Variants in ASMTL observed in about 807,000 individuals in gnomAD.
ASMTL encodes the protein acetylserotonin O-methyltransferase like, also known as probable bifunctional dTTP/UTP pyrophosphatase/methyltransferase protein.
Under a neutral mutation model 60.3 loss-of-function variants are expected in ASMTL, and 57 were observed. The ratio of observed to expected loss-of-function variants is 0.95; its 90% CI spans 0.76 to 1.18. The LOEUF is 1.18. Among genes scored for constraint, ASMTL ranks in the 50% most tolerant of loss-of-function variants. The probability of loss-of-function intolerance (pLI) is 0.00; values close to 1 mark genes in which losing one functional copy is unlikely to be tolerated. For synonymous variants in ASMTL, 419 were observed against 373.0 expected (o/e 1.12, Z -1.42); for missense variants, 981 against 852.6 (o/e 1.15, Z -1.88).
intron 6 of ASMTL, among the ~76,000 whole-genome samples, chrX:1,430,000 C>G (rs1281289594): frequency 2.6e-5 from 4 of 151,402 alleles, no homozygotes; most frequent in Non-Finnish European, 5.9e-5. Context: ...GAGCCTTGAA[C>G]TTCTCCCGTC....
intron 11 of ASMTL, among the ~76,000 whole-genome samples, chrX:1,414,442 G>C (rs1412537189): frequency 6.6e-6 from 1 of 152,106 alleles, no homozygotes; most frequent in Admixed American, 6.6e-5. Context: ...TTTCCGGCCG[G>C]GCGGGGTGTA....
chrX:1,424,747 CATCT>C (rs1252807092), intron 8 of ASMTL, among the ~76,000 whole-genome samples: 1 of 151,762 alleles, frequency 6.6e-6, no homozygotes, highest in Admixed American at 6.6e-5. Flanking sequence ...CACATCCATC[CATCT>C]ATCCACTCAC....
intron 5 of ASMTL, among the ~76,000 whole-genome samples, chrX:1,433,373 G>C (rs1438746149): frequency 6.6e-6 from 1 of 151,126 alleles, no homozygotes; most frequent in South Asian, 2.1e-4. Flanking sequence ...CCTTTTAAGA[G>C]ACCCAGAAGG....
At chrX:1,434,186 G>C (rs2090895373) in intron 5 of ASMTL, among the ~76,000 whole-genome samples, 1 of 152,116 alleles carries the variant, frequency 6.6e-6, no homozygotes, top group Non-Finnish European at 1.5e-5. Context: ...GCCTGGGCCG[G>C]GCACCGTGGT....
At chrX:1,427,593 C>T (rs1282398850) in intron 7 of ASMTL, 141 bp downstream of exon 7, 5 of 882,204 alleles carry the variant, frequency 5.7e-6, no homozygotes, top group African/African-American at 5.0e-5. Context: ...TCTCCTAGAA[C>T]CTTCGGAGAA....
chrX:1,407,318 GATGA>G (rs1414435907), intron 12 of ASMTL, among the ~76,000 whole-genome samples: 4 of 151,774 alleles, frequency 2.6e-5, no homozygotes, highest in Admixed American at 6.6e-5. Context: ...TGGGCAGGTA[GATGA>G]ATGGATGGAT....
intron 8 of ASMTL, among the ~76,000 whole-genome samples, chrX:1,423,942 A>T (rs2090542945): frequency 6.7e-6 from 1 of 148,310 alleles, no homozygotes; most frequent in Non-Finnish European, 1.5e-5. Context: ...TGATCCATGC[A>T]CCCATGCATG....
At chrX:1,437,768 G>A (rs1261917227) in intron 3 of ASMTL, among the ~76,000 whole-genome samples, 3 of 151,234 alleles carry the variant, frequency 2.0e-5, no homozygotes, top group Non-Finnish European at 2.9e-5. Flanking sequence ...GTGGTCGCGC[G>A]CACCTGTAGT....
chrX:1,443,534 A>C (rs1392871448), intron 1 of ASMTL, among the ~76,000 whole-genome samples: 1 of 150,848 alleles, frequency 6.6e-6, no homozygotes, highest in Non-Finnish European at 1.5e-5. Flanking sequence ...ACACACCGCC[A>C]TCTTGGACAG....
rs761278401 is a variant in ASMTL at position 1,427,996 on chromosome X, TAG to T, written c.633_634del (p.Tyr212LeufsTer28). The T allele has an allele frequency of 1.1e-5, 18 of 1,613,558 alleles. No homozygotes were observed. The South Asian group carries it at 2.0e-4, about 18-fold the overall frequency. ...CAGGTCCTCCGGACGGGGCGGGTAG[TAG>T]AGCTTCACCAGCTGCTTGCAGAAGT... On this transcript the variant is annotated frameshift_variant, in exon 7 of 13. Transcript: ENST00000381317. LOFTEE classifies it high-confidence loss of function.
chrX:1,415,429 G>A (rs73618982), intron 11 of ASMTL, among the ~76,000 whole-genome samples: 140,454 of 151,288 alleles, frequency 0.93, 65,890 homozygotes, highest in East Asian at 1. Flanking sequence ...TCACACAGTC[G>A]TCCACCTGTT....
intron 12 of ASMTL, among the ~76,000 whole-genome samples, chrX:1,406,899 G>C (rs1462343607): frequency 1.3e-5 from 2 of 151,694 alleles, no homozygotes; most frequent in Non-Finnish European, 1.5e-5. Context: ...GATGGTAGAT[G>C]ATGGGTACAT....
intron 9 of ASMTL, 54 bp from the exon 10 acceptor site, chrX:1,419,168 C>T (rs2090404403): frequency 2.0e-5 from 32 of 1,593,028 alleles, no homozygotes; most frequent in Non-Finnish European, 2.7e-5. Flanking sequence ...GAGGGCTCGC[C>T]CAGCCTCTCC....
rs771637958 is a variant in ASMTL at position 1,439,092 on chromosome X, C to G, written c.273+5G>C. ...TTAGAAACGAGGCACCCTGGCCGCACTCACCACGATCGTGTCCGCTCCAAT... is the reference window on the plus strand; with the variant it reads ...TTAGAAACGAGGCACCCTGGCCGCAGTCACCACGATCGTGTCCGCTCCAAT... On this transcript the variant is annotated splice_donor_5th_base_variant and intron_variant, in intron 3 of 12. Transcript: ENST00000381317. 1.2e-6 allele frequency: 2 copies of G among 1,613,876 alleles called. No homozygotes were observed. Among genetic ancestry groups the G allele is most frequent in the African/African-American group, 2.7e-5 (2 of 74,942 alleles).
intron 9 of ASMTL, 38 bp downstream of exon 9, chrX:1,421,620 C>T (rs374797416): frequency 3.0e-4 from 483 of 1,610,718 alleles, no homozygotes; most frequent in Middle Eastern, 5.0e-4. Flanking sequence ...GCAAAATGCA[C>T]GCTAGACGGA....
At chrX:1,433,896 G>C (rs1421422489) in intron 5 of ASMTL, among the ~76,000 whole-genome samples, 1 of 152,110 alleles carries the variant, frequency 6.6e-6, no homozygotes, top group Non-Finnish European at 1.5e-5. Flanking sequence ...GCTGTCCCGA[G>C]TTCTGTGAGC....
At chrX:1,427,050 G>T (rs1385858223) in intron 7 of ASMTL, among the ~76,000 whole-genome samples, 2 of 152,180 alleles carry the variant, frequency 1.3e-5, no homozygotes, top group Non-Finnish European at 2.9e-5. Flanking sequence ...AAGTAAGCTA[G>T]GGGACTTCAG....
chrX:1,411,196 GAA>G (rs1427034917), intron 12 of ASMTL, among the ~76,000 whole-genome samples: 4 of 143,896 alleles, frequency 2.8e-5, no homozygotes, highest in South Asian at 2.3e-4. Context: ...AAAAAAAAAA[GAA>G]GAGAGATACA....
intron 5 of ASMTL, 71 bp from the exon 6 acceptor site, chrX:1,432,448 G>T: frequency 8.5e-7 from 1 of 1,173,380 alleles, no homozygotes; most frequent in Non-Finnish European, 1.3e-6. Context: ...CAGCTGCGTG[G>T]CTGTGCTGTG....
Sources: gnomAD v4.1 joint callset for allele counts (sites outside exome capture counted in the v4.1 genomes callset) on GRCh38, gnomAD v4.1.1 for gene constraint, MANE v1.5 for transcripts, NCBI Gene and HGNC (gene_info 2026-07-23, HGNC 2026-07-21) for gene names.